RAD51B: variants seen among roughly 807,000 people sequenced by gnomAD.
The protein encoded by RAD51B is DNA repair protein RAD51 homolog 2.
In RAD51B, 38 loss-of-function variants were observed where a neutral mutation model predicts 42.2. The observed-to-expected ratio is 0.90, with a 90% CI of 0.70 to 1.18. The LOEUF (loss-of-function observed/expected upper bound fraction) is 1.18. Among genes scored for constraint, RAD51B ranks in the 50% most tolerant of loss-of-function variants. The pLI, the probability that RAD51B is intolerant of heterozygous loss-of-function variation, is 0.00. For missense variants in RAD51B, 373 were observed against 400.7 expected (o/e 0.93, Z 0.59); for synonymous variants, 154 against 145.2 (o/e 1.06, Z -0.43).
chr14:68,664,601 G>C (rs1209341446), intron 11 of RAD51B, among the ~76,000 whole-genome samples: 1 of 152,170 alleles, frequency 6.6e-6, no homozygotes, highest in Non-Finnish European at 1.5e-5. Context: ...TGCTGGAAAA[G>C]AGAGCACAAT....
intron 7 of RAD51B, among the ~76,000 whole-genome samples, chr14:67,916,270 TTTTTG>T (rs899358287): frequency 2.0e-5 from 3 of 152,126 alleles, no homozygotes; most frequent in African/African-American, 7.2e-5. Flanking sequence ...CTTAAAGTAT[TTTTTG>T]TTTTGTTTCA....
intron 8 of RAD51B, among the ~76,000 whole-genome samples, chr14:68,305,629 G>A (rs1157538833): frequency 2.6e-5 from 4 of 152,204 alleles, no homozygotes; most frequent in African/African-American, 9.7e-5. Flanking sequence ...TCACAGAAAG[G>A]AGAGATCATC....
intron 10 of RAD51B, among the ~76,000 whole-genome samples, chr14:68,648,670 CACAA>C (rs1478118176): frequency 3.8e-5 from 3 of 79,086 alleles, no homozygotes; most frequent in African/African-American, 5.8e-5. Context: ...GGTAAAAGCA[CACAA>C]ACACACACAC....
chr14:67,948,125 C>T (rs1348122802), intron 7 of RAD51B, among the ~76,000 whole-genome samples: 2 of 152,040 alleles, frequency 1.3e-5, no homozygotes, highest in African/African-American at 4.8e-5. Flanking sequence ...TGTTAGTGTT[C>T]CTATTGCATA....
chr14:68,579,074 C>A (rs1303149442), intron 10 of RAD51B, among the ~76,000 whole-genome samples: 1 of 152,140 alleles, frequency 6.6e-6, no homozygotes, highest in Non-Finnish European at 1.5e-5. Context: ...TCACTGATGC[C>A]AGATTCAGCT....
At chr14:67,990,788 A>G (rs942936173) in intron 7 of RAD51B, among the ~76,000 whole-genome samples, 6 of 152,200 alleles carry the variant, frequency 3.9e-5, no homozygotes, top group African/African-American at 1.4e-4. Flanking sequence ...ACAAATATGT[A>G]TAGTTTGTGG....
At chr14:68,517,225 GAAGGGAAGGAAAGGA>G (rs1886222322) in intron 10 of RAD51B, among the ~76,000 whole-genome samples, 1 of 145,742 alleles carries the variant, frequency 6.9e-6, no homozygotes, top group African/African-American at 2.8e-5. Context: ...AAAGGGAAGG[GAAGGGAAGGAAAGGA>G]AAGGGAAGGG....
chr14:68,312,188 G>A (rs1460338212), intron 8 of RAD51B, among the ~76,000 whole-genome samples: 1 of 152,116 alleles, frequency 6.6e-6, no homozygotes, highest in African/African-American at 2.4e-5. Flanking sequence ...AAACAGAGAA[G>A]CTGTTTCTGA....
chr14:68,097,417 C>A (rs986534000), intron 7 of RAD51B, among the ~76,000 whole-genome samples: 1 of 151,954 alleles, frequency 6.6e-6, no homozygotes, highest in African/African-American at 2.4e-5. Flanking sequence ...CTGTCTGTTG[C>A]CTAGTAGATG....
intron 1 of RAD51B, among the ~76,000 whole-genome samples, chr14:67,820,681 G>A: frequency 6.6e-6 from 1 of 152,170 alleles, no homozygotes; most frequent in East Asian, 1.9e-4. Context: ...GGAAGGTTTT[G>A]TGGAGGGAAG....
At chr14:68,396,492 A>G (rs2083927619) in intron 8 of RAD51B, among the ~76,000 whole-genome samples, 2 of 152,240 alleles carry the variant, frequency 1.3e-5, no homozygotes, top group South Asian at 4.1e-4. Flanking sequence ...ATGTCATAAA[A>G]TAGTGAAACA....
At chr14:68,169,705 A>G (rs2078830105) in intron 7 of RAD51B, among the ~76,000 whole-genome samples, 1 of 152,202 alleles carries the variant, frequency 6.6e-6, no homozygotes, top group South Asian at 2.1e-4. Context: ...CATTCATGGA[A>G]GGGTGGGTTC....
At chr14:68,627,578 T>C (rs1330249003) in intron 10 of RAD51B, among the ~76,000 whole-genome samples, 5 of 152,122 alleles carry the variant, frequency 3.3e-5, no homozygotes, top group African/African-American at 4.8e-5. Context: ...TTCTCACCCA[T>C]CTGAATAATT....
intron 7 of RAD51B, among the ~76,000 whole-genome samples, chr14:67,902,872 T>C (rs1359035409): frequency 6.6e-6 from 1 of 152,024 alleles, no homozygotes; most frequent in African/African-American, 2.4e-5. Flanking sequence ...TTTTTGAAGA[T>C]GGAGTCTTGC....
intron 8 of RAD51B, among the ~76,000 whole-genome samples, chr14:68,330,172 G>A (rs1286617615): frequency 6.6e-6 from 1 of 152,096 alleles, no homozygotes; most frequent in African/African-American, 2.4e-5. Context: ...CCATGCCTAG[G>A]TTGTGCTTCT....
At chr14:68,458,338 G>A (rs1004795087) in intron 9 of RAD51B, among the ~76,000 whole-genome samples, 2 of 152,118 alleles carry the variant, frequency 1.3e-5, no homozygotes, top group Admixed American at 6.5e-5. Context: ...TTTGTTTTAT[G>A]TTTGAAAAGG....
chr14:68,633,452 T>C (rs1447740303), intron 10 of RAD51B, among the ~76,000 whole-genome samples: 2 of 152,014 alleles, frequency 1.3e-5, no homozygotes, highest in African/African-American at 4.8e-5. Context: ...CCCCCCACGA[T>C]GTATAACAGG....
At position 67,856,182 on chromosome 14, in the gene RAD51B, A is replaced by G. The variant is rs188255952; in HGVS notation, c.316-8821A>G. On this transcript the variant is annotated intron_variant, in intron 4 of 10. Transcript: ENST00000471583. The stretch of plus-strand genomic sequence containing the variant: ...CTTTTTCTGCTCTTTTCCCATCCCT[A>G]CTCTTCCTCTCTCCCTTCCCATTTA... Among the ~76,000 whole-genome samples, 55 of 151,424 alleles carry G rather than the reference A, an allele frequency of 3.6e-4. No individual in the cohort carries two copies. The East Asian group carries it at 9.3e-3, about 26-fold the overall frequency.
intron 7 of RAD51B, among the ~76,000 whole-genome samples, chr14:67,959,635 ATAGT>A (rs1209404051): frequency 4.6e-5 from 7 of 152,200 alleles, no homozygotes; most frequent in African/African-American, 1.7e-4. Context: ...ATTAGTTGAC[ATAGT>A]TAAAGTTGAT....
Sources: gnomAD v4.1 joint callset for allele counts (sites outside exome capture counted in the v4.1 genomes callset) on GRCh38, gnomAD v4.1.1 for gene constraint, MANE v1.5 for transcripts, NCBI Gene and HGNC (gene_info 2026-07-23, HGNC 2026-07-21) for gene names.